Variants in ATXN1 observed in about 807,000 individuals in gnomAD.
ATXN1 encodes the protein ataxin 1, also known as ataxin-1.
In ATXN1, 8 loss-of-function variants were observed where a neutral mutation model predicts 56.4. The ratio of observed to expected loss-of-function variants is 0.14; its 90% CI spans 0.08 to 0.26. ATXN1 has a LOEUF of 0.26. ATXN1 is among the 10% of genes least tolerant of loss of function. ATXN1 has a pLI of 1.00. For synonymous variants in ATXN1, 514 were observed against 494.6 expected, an observed-to-expected ratio of 1.04 and a Z score of -0.52; for missense variants, 987 against 1,106.5, an observed-to-expected ratio of 0.89 and a Z score of 1.53.
intron 4 of ATXN1, among the ~76,000 whole-genome samples, chr6:16,562,284 G>A (rs533531529): frequency 4.7e-5 from 7 of 150,002 alleles, no homozygotes; most frequent in Non-Finnish European, 8.9e-5. Flanking sequence ...GAGATGGGAA[G>A]ATCACTTGAG....
At chr6:16,670,769 T>A (rs905275717) in intron 2 of ATXN1, among the ~76,000 whole-genome samples, 3 of 152,230 alleles carry the variant, frequency 2.0e-5, no homozygotes, top group Non-Finnish European at 4.4e-5. Flanking sequence ...ATTTTGGATA[T>A]TTTTAAGCAG....
intron 5 of ATXN1, among the ~76,000 whole-genome samples, chr6:16,504,719 TC>T (rs1296625398): frequency 6.6e-6 from 1 of 152,014 alleles, no homozygotes; most frequent in Non-Finnish European, 1.5e-5. Flanking sequence ...CGTGAACTGC[TC>T]CCCACAAAGA....
At chr6:16,525,814 TA>T (rs914687162) in intron 4 of ATXN1, among the ~76,000 whole-genome samples, 2 of 150,076 alleles carry the variant, frequency 1.3e-5, no homozygotes, top group East Asian at 1.9e-4. Context: ...AATTAAAAAT[TA>T]AAAAAAAATT....
intron 4 of ATXN1, among the ~76,000 whole-genome samples, chr6:16,537,263 T>C (rs1407129285): frequency 6.6e-6 from 1 of 152,186 alleles, no homozygotes; most frequent in Non-Finnish European, 1.5e-5. Flanking sequence ...GAGTATTTCC[T>C]TGCTATTCTA....
At chr6:16,526,033 A>T (rs760178052) in intron 4 of ATXN1, among the ~76,000 whole-genome samples, 2 of 125,272 alleles carry the variant, frequency 1.6e-5, no homozygotes, top group Non-Finnish European at 3.2e-5. Flanking sequence ...ATACATATAG[A>T]AATAAATCTA....
At chr6:16,638,928 T>C (rs142176029) in intron 3 of ATXN1, among the ~76,000 whole-genome samples, 155 of 152,300 alleles carry the variant, frequency 1.0e-3, no homozygotes, top group African/African-American at 3.7e-3. Context: ...GAAGTGGTAT[T>C]GAGAGGTGAA....
At chr6:16,455,435 C>T (rs1057500671) in intron 6 of ATXN1, among the ~76,000 whole-genome samples, 2 of 152,198 alleles carry the variant, frequency 1.3e-5, no homozygotes, top group African/African-American at 4.8e-5. Flanking sequence ...GGCAAGGATG[C>T]AGAGCCATAG....
At chr6:16,530,824 G>A (rs1399355484) in intron 4 of ATXN1, among the ~76,000 whole-genome samples, 1 of 152,284 alleles carries the variant, frequency 6.6e-6, no homozygotes, top group East Asian at 1.9e-4. Context: ...TTTCCTGGGT[G>A]TCTGTGTTCA....
In ATXN1 at chr6:16,306,746, T is replaced by A. The variant is rs34324423; in HGVS notation, c.2031A>T (p.Ser677=). ...TAAGCGAGATGCAGACATCCCCAAC[T>A]GAGAGTTTGGAACACGGCAAATCAA... ...QLFDLPCSKL[S]VGDVCISLTL... is the part of the protein sequence containing the mutation. Residue 677 remains serine, a synonymous_variant, in exon 8 of 8, where the codon TCA becomes TCT. Coordinates refer to ENST00000436367, the MANE Select transcript of ATXN1 (RefSeq NM_001128164.2). This position sits in a 1 kb window ranked among gnomAD's most constrained non-coding sequence, Gnocchi z 5.2. The A allele has an allele frequency of 1.1e-5, 18 of 1,614,000 alleles. No individual in the cohort carries two copies. In the East Asian group the frequency reaches 3.3e-4, roughly 30 times the overall value.
In ATXN1 at chr6:16,343,609, T is replaced by C. The variant is rs565600698; in HGVS notation, c.-160-15139A>G. Among the ~76,000 whole-genome samples, 5 of 152,314 alleles carry C rather than the reference T, an allele frequency of 3.3e-5. No individual in the cohort carries two copies. The South Asian group carries it at 1.0e-3, about 32-fold the overall frequency. On this transcript the variant is annotated intron_variant, in intron 6 of 7. Transcript: ENST00000436367. ...GCAGTATCTTAGTGTCACTGCTCTA[T>C]CATGTCATTGCTCACTGAAGACTGA...
chr6:16,508,292 A>C (rs893899473), intron 5 of ATXN1, among the ~76,000 whole-genome samples: 10 of 152,224 alleles, frequency 6.6e-5, no homozygotes, highest in African/African-American at 2.4e-4. Flanking sequence ...TATTTCATAT[A>C]ATATGAAAGT....
intron 6 of ATXN1, among the ~76,000 whole-genome samples, chr6:16,376,561 G>C (rs1299339934): frequency 1.3e-5 from 2 of 152,204 alleles, no homozygotes; most frequent in African/African-American, 4.8e-5. Context: ...GAAAATGGTG[G>C]ATTGGAGAGA....
At chr6:16,708,857 C>G (rs143114756) in intron 2 of ATXN1, among the ~76,000 whole-genome samples, 1 of 151,992 alleles carries the variant, frequency 6.6e-6, no homozygotes, top group Non-Finnish European at 1.5e-5. Context: ...GAAACCCTGT[C>G]TCTACTAAAA....
intron 2 of ATXN1, chr6:16,739,542 GT>G: frequency 3.8e-6 from 1 of 266,114 alleles, no homozygotes; most frequent in South Asian, 3.8e-5. Context: ...GTGTATTTGT[GT>G]AAAGACTCCC....
intron 2 of ATXN1, among the ~76,000 whole-genome samples, chr6:16,750,965 TCTC>T (rs1421139810): frequency 4.1e-5 from 6 of 147,536 alleles, no homozygotes; most frequent in African/African-American, 1.5e-4. Flanking sequence ...TTTTCTTTCC[TCTC>T]TTTTTTTTTT....
rs1030776289 is a variant in ATXN1, at chr6:16,520,524, GT to G, written c.-299+2102del. On this transcript the variant is annotated intron_variant, in intron 5 of 7. Transcript: ENST00000436367. ...TCTTGCCTCAGACCCTTCTCTACCA[GT>G]TTATTCTTTACCCAAAGAATCCTAT... 1.0e-3 allele frequency among the ~76,000 whole-genome samples: 158 copies of G among 152,080 alleles called. 13 individuals carry two copies. The highest frequency in any genetic ancestry group is 2.9e-5 in the Non-Finnish European group (2 of 68,008).
chr6:16,318,880 C>T (rs1333626775), intron 7 of ATXN1, among the ~76,000 whole-genome samples: 1 of 152,174 alleles, frequency 6.6e-6, no homozygotes, highest in Admixed American at 6.5e-5. Flanking sequence ...CCCTTAGGCA[C>T]ACAGGTTCTA....
chr6:16,449,043 C>T (rs937394167), intron 6 of ATXN1, among the ~76,000 whole-genome samples: 1 of 152,160 alleles, frequency 6.6e-6, no homozygotes, highest in African/African-American at 2.4e-5. Flanking sequence ...ATGGGCCAGA[C>T]CATACTGCCA....
intron 4 of ATXN1, among the ~76,000 whole-genome samples, chr6:16,576,142 T>C (rs545643225): frequency 6.6e-6 from 1 of 152,264 alleles, no homozygotes; most frequent in South Asian, 2.1e-4. Flanking sequence ...AATCCAGTCT[T>C]CAAATCCAAT....
Sources: gnomAD v4.1 joint callset for allele counts (sites outside exome capture counted in the v4.1 genomes callset) on GRCh38, gnomAD v4.1.1 for gene constraint, Gnocchi (gnomAD v3.1) non-coding constraint, MANE v1.5 for transcripts, NCBI Gene and HGNC (gene_info 2026-07-23, HGNC 2026-07-21) for gene names.